Variants in THEMIS observed in about 807,000 individuals in gnomAD.
THEMIS encodes thymocyte selection associated, also known as protein THEMIS.
A neutral mutation model predicts 52.6 loss-of-function variants in THEMIS; 37 were observed. The observed-to-expected ratio is 0.70, with a 90% confidence interval of 0.54 to 0.93. The LOEUF (loss-of-function observed/expected upper bound fraction) is 0.93. THEMIS is among the 40% of genes least tolerant of loss of function. The pLI, the probability that THEMIS is intolerant of heterozygous loss-of-function variation, is 0.00. For missense variants in THEMIS, 808 were observed against 763.1 expected (o/e 1.06, Z -0.69); for synonymous variants, 292 against 272.7 (o/e 1.07, Z -0.70).
At chr6:127,702,713 A>G in the THEMIS span, among the ~76,000 whole-genome samples, 29 of 152,222 alleles carry the variant, frequency 1.9e-4, no homozygotes, top group African/African-American at 6.5e-4. Flanking sequence ...TACAAAAGAA[A>G]GTGGTTTATT....
intron 4 of THEMIS, among the ~76,000 whole-genome samples, chr6:127,778,122 A>G (rs980168906): frequency 2.0e-5 from 3 of 152,138 alleles, no homozygotes; most frequent in African/African-American, 7.2e-5. Context: ...TGCTGAAGGA[A>G]TTTTTGAGCA....
intron 1 of THEMIS, among the ~76,000 whole-genome samples, chr6:127,882,959 A>T (rs1161588368): frequency 6.6e-6 from 1 of 151,994 alleles, no homozygotes; most frequent in Non-Finnish European, 1.5e-5. Context: ...CATCAGATCC[A>T]TAAGAGTCAT....
At chr6:127,764,288 T>G in intron 4 of THEMIS, among the ~76,000 whole-genome samples, 1 of 152,060 alleles carries the variant, frequency 6.6e-6, no homozygotes, top group Middle Eastern at 3.4e-3. Flanking sequence ...TTAGCTTCTC[T>G]TTCTCTTTCA....
intron 4 of THEMIS, among the ~76,000 whole-genome samples, chr6:127,804,796 T>A (rs1162271638): frequency 6.6e-6 from 1 of 152,144 alleles, no homozygotes; most frequent in Non-Finnish European, 1.5e-5. Flanking sequence ...TCACAACTGG[T>A]AATTGCATAC....
At position 127,874,383 on chromosome 6, in the gene THEMIS, G is replaced by T. The variant is rs1393435942; in HGVS notation, c.92-19195C>A. 2.0e-5 allele frequency among the ~76,000 whole-genome samples: 3 copies of T among 151,368 alleles called. No individual in the cohort carries two copies. In the East Asian group the frequency reaches 6.1e-4, roughly 31 times the overall value. The stretch of plus-strand genomic sequence containing the variant: ...CACCATAAACAGTCTGTAAAGGCAT[G>T]TGCAAGTTTTGAAAAATGTTAACTT... On this transcript the variant is annotated intron_variant, in intron 1 of 5. Coordinates refer to ENST00000368248, the MANE Select transcript of THEMIS (RefSeq NM_001010923.3).
intron 3 of THEMIS, among the ~76,000 whole-genome samples, chr6:127,815,081 G>A (rs1778079285): frequency 1.3e-5 from 2 of 152,082 alleles, no homozygotes; most frequent in Admixed American, 6.6e-5. Context: ...AGCCTGAGAA[G>A]CAAATGTTGC....
At chr6:127,864,242 G>GA (rs1345933228) in intron 1 of THEMIS, among the ~76,000 whole-genome samples, 1 of 151,280 alleles carries the variant, frequency 6.6e-6, no homozygotes, top group African/African-American at 2.4e-5. Flanking sequence ...CCACCCTGCT[G>GA]AAAAAAAATT....
intron 1 of THEMIS, among the ~76,000 whole-genome samples, chr6:127,891,977 C>T (rs1370583673): frequency 6.6e-6 from 1 of 152,194 alleles, no homozygotes; most frequent in Non-Finnish European, 1.5e-5. Flanking sequence ...CACTCCAGAA[C>T]CTAGATCTTT....
intron 4 of THEMIS, among the ~76,000 whole-genome samples, chr6:127,761,961 G>A (rs939507479): frequency 6.6e-6 from 1 of 152,152 alleles, no homozygotes; most frequent in Non-Finnish European, 1.5e-5. Flanking sequence ...TTCTATGTTC[G>A]TTGCAGTTGT....
At chr6:127,900,385 T>C (rs953405154) in intron 1 of THEMIS, among the ~76,000 whole-genome samples, 1 of 152,058 alleles carries the variant, frequency 6.6e-6, no homozygotes, top group Non-Finnish European at 1.5e-5. Context: ...GAGAAAAACA[T>C]TGGTATAAGC....
intron 4 of THEMIS, among the ~76,000 whole-genome samples, chr6:127,763,948 A>G (rs759293463): frequency 3.3e-5 from 5 of 151,942 alleles, no homozygotes; most frequent in African/African-American, 4.8e-5. Context: ...ACATTATATT[A>G]CTATCGAAGA....
intron 1 of THEMIS, among the ~76,000 whole-genome samples, chr6:127,869,876 A>G (rs1780102849): frequency 6.6e-6 from 1 of 152,154 alleles, no homozygotes. Flanking sequence ...GAACAAAACA[A>G]AGCAAAACAA....
intron 1 of THEMIS, chr6:127,910,020 A>G (rs1781371898): frequency 6.6e-6 from 1 of 152,196 alleles, no homozygotes; most frequent in Admixed American, 6.6e-5. Context: ...CACAAAATTT[A>G]ATCTCTTGAG....
chr6:127,844,754 C>A (rs1272902962), intron 2 of THEMIS, among the ~76,000 whole-genome samples: 4 of 151,862 alleles, frequency 2.6e-5, no homozygotes, highest in African/African-American at 9.7e-5. Context: ...ATAAACCACA[C>A]ATGACATGAT....
chr6:127,875,168 A>G (rs1031552526), intron 1 of THEMIS, among the ~76,000 whole-genome samples: 1 of 152,248 alleles, frequency 6.6e-6, no homozygotes, highest in African/African-American at 2.4e-5. Context: ...CCTGGTCCCA[A>G]AAATTTGGGA....
intron 1 of THEMIS, among the ~76,000 whole-genome samples, chr6:127,907,337 A>ATTTTTTGTTTTTTTTTTTTTT (rs1781297928): frequency 2.0e-5 from 1 of 49,448 alleles, no homozygotes; most frequent in Non-Finnish European, 3.7e-5. Flanking sequence ...TTAGGCTCGG[A>ATTTTTTGTTTTTTTTTTTTTT]TTTTTTTTTT....
At chr6:127,765,746 TG>T (rs1562243367) in intron 4 of THEMIS, among the ~76,000 whole-genome samples, 1 of 152,062 alleles carries the variant, frequency 6.6e-6, no homozygotes, top group Non-Finnish European at 1.5e-5. Context: ...AATAACATAA[TG>T]TACAGGTTTG....
chr6:127,749,451 G>A (rs183957268), intron 4 of THEMIS, among the ~76,000 whole-genome samples: 31 of 152,052 alleles, frequency 2.0e-4, no homozygotes, highest in African/African-American at 7.5e-4. Context: ...AAGAAAATTT[G>A]GAGCAGAAAA....
chr6:127,734,937 GTA>G (rs1554216671), intron 4 of THEMIS, among the ~76,000 whole-genome samples: 9 of 123,896 alleles, frequency 7.3e-5, no homozygotes, highest in South Asian at 2.6e-4. Context: ...GTGTGTGTGT[GTA>G]TGTATATATA....
Sources: allele counts gnomAD v4.1 joint callset (sites outside exome capture counted in the v4.1 genomes callset), GRCh38; gene constraint gnomAD v4.1.1; transcripts MANE v1.5; gene names NCBI Gene and HGNC (gene_info 2026-07-23, HGNC 2026-07-21).